Variants in FRMPD4 observed in about 807,000 individuals in gnomAD.
The protein encoded by FRMPD4 is FERM and PDZ domain containing 4.
FRMPD4 carries 22 observed loss-of-function variants against 94.1 expected under a neutral mutation model. The ratio of observed to expected loss-of-function variants is 0.23; its 90% CI spans 0.17 to 0.33. The LOEUF (loss-of-function observed/expected upper bound fraction) is 0.33. FRMPD4 is among the 10% of genes least tolerant of loss of function. The pLI, the probability that FRMPD4 is intolerant of heterozygous loss-of-function variation, is 1.00. For missense variants in FRMPD4, 1,111 were observed against 1,339.9 expected, an observed-to-expected ratio of 0.83 and a Z score of 2.67; for synonymous variants, 631 against 548.6, an observed-to-expected ratio of 1.15 and a Z score of -2.10.
At chrX:12,557,859 AAGG>A (rs1324149731) in intron 2 of FRMPD4, among the ~76,000 whole-genome samples, 1 of 111,570 alleles carries the variant, frequency 9.0e-6, no homozygotes, top group Non-Finnish European at 1.9e-5. Context: ...CAGGACTTAG[AAGG>A]AGAAGGCAAC....
In FRMPD4 at chrX:12,718,732, C is replaced by G. The variant is rs1190066632; in HGVS notation, c.3906C>G (p.Pro1302=). 4 of 1,209,604 alleles carry G rather than the reference C, an allele frequency of 3.3e-6. No individual in the cohort carries two copies. In the South Asian group the frequency reaches 5.3e-5, roughly 16 times the overall value. Residue 1302 remains proline (P), a synonymous_variant, in exon 16 of 17, where the codon CCC becomes CCG. Coordinates refer to ENST00000675598, the MANE Select transcript of FRMPD4 (RefSeq NM_001368397.1). The part of the protein sequence containing the change: ...PALHTAINTE[P]LFGTLRDGCH... ...TGCACACAGCCATTAACACCGAACC[C>G]CTGTTTGGCACATTGAGAGATGGAT...
chrX:12,065,549 C>T (rs2054913772), intron 3 of FRMPD4, among the ~76,000 whole-genome samples: 1 of 112,101 alleles, frequency 8.9e-6, no homozygotes, highest in Non-Finnish European at 1.9e-5. Context: ...CCACTTCCAT[C>T]TCAACCCTTG....
intron 1 of FRMPD4, among the ~76,000 whole-genome samples, chrX:12,433,594 A>G (rs914720119): frequency 1.8e-5 from 2 of 112,138 alleles, no homozygotes; most frequent in African/African-American, 3.2e-5. Context: ...TTCAATCAAC[A>G]CTGTTTTCTG....
chrX:12,540,799 A>G (rs1430784323), intron 2 of FRMPD4, among the ~76,000 whole-genome samples: 1 of 112,093 alleles, frequency 8.9e-6, no homozygotes, highest in East Asian at 2.8e-4. Flanking sequence ...TCTTCTAAGC[A>G]CCACACCACA....
chrX:11,966,622 C>T (rs924572554), intron 3 of FRMPD4, among the ~76,000 whole-genome samples: 12 of 110,866 alleles, frequency 1.1e-4, no homozygotes, highest in Non-Finnish European at 1.9e-4. Flanking sequence ...ATCATTGATC[C>T]CAAAATGTGG....
chrX:12,007,391 T>G (rs778548790), intron 3 of FRMPD4, among the ~76,000 whole-genome samples: 2 of 112,336 alleles, frequency 1.8e-5, no homozygotes, highest in African/African-American at 6.5e-5. Context: ...CTGCTAAGTT[T>G]CAAAGTCATT....
chrX:11,864,973 T>C lies in FRMPD4; in HGVS notation c.-160-113T>C, dbSNP rs2053709938. Among the ~76,000 whole-genome samples, 7 of 112,004 alleles carry C rather than the reference T, an allele frequency of 6.2e-5. No homozygotes were observed. The South Asian group carries it at 2.6e-3, about 41-fold the overall frequency. On this transcript the variant is annotated intron_variant, in intron 1 of 18. Transcript: ENST00000640291. ...GAAAAGGACATCCATTTGTGATGTT[T>C]CCAGGAAAATTTTTGCATTGAGTAA...
At chrX:11,999,170 CT>C (rs1162017569) in intron 3 of FRMPD4, among the ~76,000 whole-genome samples, 2 of 111,354 alleles carry the variant, frequency 1.8e-5, no homozygotes, top group African/African-American at 6.5e-5. Context: ...AGATGGTTTC[CT>C]GTGGAACTGC....
At chrX:12,565,652 T>A (rs1405889014) in intron 2 of FRMPD4, among the ~76,000 whole-genome samples, 1 of 111,966 alleles carries the variant, frequency 8.9e-6, no homozygotes, top group Non-Finnish European at 1.9e-5. Flanking sequence ...TAAGGAGACA[T>A]GACTACTAAG....
At chrX:11,972,626 G>A (rs918210961) in intron 3 of FRMPD4, among the ~76,000 whole-genome samples, 1 of 112,131 alleles carries the variant, frequency 8.9e-6, no homozygotes, top group Non-Finnish European at 1.9e-5. Flanking sequence ...AGGACATCAG[G>A]CACATTGCTT....
At chrX:11,984,313 C>T (rs1217203840) in intron 3 of FRMPD4, among the ~76,000 whole-genome samples, 1 of 112,450 alleles carries the variant, frequency 8.9e-6, no homozygotes. Flanking sequence ...GACCTTTGCT[C>T]TTGACTGGTC....
chrX:11,930,197 G>T (rs1009996708), intron 3 of FRMPD4, among the ~76,000 whole-genome samples: 1 of 107,020 alleles, frequency 9.3e-6, no homozygotes, highest in Non-Finnish European at 1.9e-5. Flanking sequence ...TGTGAAAAGT[G>T]CAAGTGGCAA....
chrX:12,560,832 G>C (rs1280890208), intron 2 of FRMPD4, among the ~76,000 whole-genome samples: 2 of 80,623 alleles, frequency 2.5e-5, no homozygotes, highest in African/African-American at 4.8e-5. Context: ...TGCAGTGGCG[G>C]GATCTCGGCT....
chrX:12,549,182 C>T (rs924278783), intron 2 of FRMPD4, among the ~76,000 whole-genome samples: 4 of 111,994 alleles, frequency 3.6e-5, no homozygotes, highest in Non-Finnish European at 7.5e-5. Context: ...GAAAAGTCAC[C>T]GCTTCTAGCC....
At chrX:12,214,437 A>G (rs1288198449) in intron 1 of FRMPD4, among the ~76,000 whole-genome samples, 1 of 112,491 alleles carries the variant, frequency 8.9e-6, no homozygotes, top group Non-Finnish European at 1.9e-5. Flanking sequence ...GTTATGATTT[A>G]TACCCTGTTG....
At chrX:12,047,612 G>A (rs2054792946) in intron 3 of FRMPD4, among the ~76,000 whole-genome samples, 1 of 111,616 alleles carries the variant, frequency 9.0e-6, no homozygotes, top group African/African-American at 3.3e-5. Flanking sequence ...CCCAGATAGT[G>A]AGCATAGTAC....
intron 1 of FRMPD4, among the ~76,000 whole-genome samples, chrX:12,299,267 A>G (rs1181949694): frequency 2.7e-5 from 3 of 110,017 alleles, no homozygotes; most frequent in African/African-American, 1.0e-4. Flanking sequence ...AGTAAAGAAG[A>G]GGAAGAGAAG....
At chrX:12,189,478 A>T (rs762878826) in intron 1 of FRMPD4, among the ~76,000 whole-genome samples, 1 of 111,783 alleles carries the variant, frequency 8.9e-6, no homozygotes, top group African/African-American at 3.2e-5. Context: ...ACTACAGACC[A>T]TTATCTGTCA....
intron 1 of FRMPD4, among the ~76,000 whole-genome samples, chrX:12,351,047 G>A (rs1423481730): frequency 2.7e-5 from 3 of 110,462 alleles, no homozygotes; most frequent in Non-Finnish European, 5.7e-5. Flanking sequence ...GGTGGCGCGT[G>A]CCTGTAATCA....
Sources: gnomAD v4.1 joint callset for allele counts (sites outside exome capture counted in the v4.1 genomes callset) on GRCh38, gnomAD v4.1.1 for gene constraint, MANE v1.5 for transcripts, NCBI Gene and HGNC (gene_info 2026-07-23, HGNC 2026-07-21) for gene names.